Variants in PLCL1 observed in about 807,000 individuals in gnomAD.
The protein encoded by PLCL1 is phospholipase C like 1 (inactive).
Under a neutral mutation model 84.4 loss-of-function variants are expected in PLCL1, and 41 were observed. That is an observed-to-expected ratio of 0.49 (90% CI 0.38 to 0.63). The LOEUF (loss-of-function observed/expected upper bound fraction) is 0.63, where lower values mean the gene tolerates loss of function less well. Among genes scored for constraint, PLCL1 ranks in the 30% least tolerant of loss-of-function variants. The pLI is 0.00. For missense variants in PLCL1, 1,206 were observed against 1,367.8 expected, an observed-to-expected ratio of 0.88 and a Z score of 1.87; for synonymous variants, 490 against 488.3, an observed-to-expected ratio of 1.00 and a Z score of -0.05.
At chr2:197,968,554 C>T (rs1162718171) in intron 1 of PLCL1, among the ~76,000 whole-genome samples, 1 of 152,160 alleles carries the variant, frequency 6.6e-6, no homozygotes, top group African/African-American at 2.4e-5. Context: ...AGTTAAAAAT[C>T]ACTTTCTTTG....
intron 1 of PLCL1, among the ~76,000 whole-genome samples, chr2:197,936,403 T>TC (rs1248424941): frequency 1.3e-5 from 2 of 152,178 alleles, no homozygotes; most frequent in African/African-American, 4.8e-5. Flanking sequence ...TTTCCTTTTT[T>TC]CCGCATATCT....
chr2:198,032,079 G>GA (rs1037351685), intron 1 of PLCL1, among the ~76,000 whole-genome samples: 3 of 151,890 alleles, frequency 2.0e-5, no homozygotes, highest in Non-Finnish European at 2.9e-5. Context: ...CTCTGTTTTG[G>GA]AAAAAAGGAA....
At chr2:198,034,264 G>A (rs4533466) in intron 1 of PLCL1, among the ~76,000 whole-genome samples, 15 of 152,002 alleles carry the variant, frequency 9.9e-5, no homozygotes, top group African/African-American at 3.6e-4. Context: ...TTGTCTTTGC[G>A]ATAGTTTGCT....
chr2:198,016,948 C>A (rs936666461), intron 1 of PLCL1, among the ~76,000 whole-genome samples: 1 of 152,138 alleles, frequency 6.6e-6, no homozygotes, highest in African/African-American at 2.4e-5. Flanking sequence ...AAGTTAGAGA[C>A]CATGAAGGGC....
intron 1 of PLCL1, among the ~76,000 whole-genome samples, chr2:197,961,895 T>C (rs1689631604): frequency 6.6e-6 from 1 of 152,066 alleles, no homozygotes. Context: ...TTTTAGAATA[T>C]AAATAAATGG....
intron 5 of PLCL1, among the ~76,000 whole-genome samples, chr2:198,133,301 T>C (rs1276049663): frequency 6.9e-6 from 1 of 144,822 alleles, no homozygotes; most frequent in Non-Finnish European, 1.5e-5. Flanking sequence ...CCGCATATTC[T>C]CACTCATAGG....
At chr2:197,870,213 G>A (rs931523110) in intron 1 of PLCL1, among the ~76,000 whole-genome samples, 3 of 152,132 alleles carry the variant, frequency 2.0e-5, no homozygotes, top group African/African-American at 7.2e-5. Context: ...TAAATGCTAA[G>A]GGGAGCTTTG....
rs749383239 is a variant in PLCL1, at chr2:197,976,837, A to C, written c.241-106921A>C. On this transcript the variant is annotated intron_variant, in intron 1 of 5. Coordinates refer to ENST00000428675, the MANE Select transcript of PLCL1 (RefSeq NM_006226.4). ...CATTTGAAACTGCCCCTTATCTGAAATGATCTTCTCGGATGATACCCAGTT... is the reference window on the plus strand; with the variant it reads ...CATTTGAAACTGCCCCTTATCTGAACTGATCTTCTCGGATGATACCCAGTT... Among the ~76,000 whole-genome samples, 15 of 152,230 alleles carry C rather than the reference A, an allele frequency of 9.9e-5. 1 individual carries two copies. The highest frequency in any genetic ancestry group is 3.3e-4 in the Admixed American group (5 of 15,288).
intron 1 of PLCL1, among the ~76,000 whole-genome samples, chr2:197,939,295 T>C (rs1211650295): frequency 6.6e-6 from 1 of 152,134 alleles, no homozygotes; most frequent in African/African-American, 2.4e-5. Context: ...TGAATGCACA[T>C]TAGAATGACC....
chr2:197,914,425 G>A (rs556182559), intron 1 of PLCL1, among the ~76,000 whole-genome samples: 1 of 151,898 alleles, frequency 6.6e-6, no homozygotes, highest in African/African-American at 2.4e-5. Flanking sequence ...TGCCTCTTGG[G>A]TTCAAGTGAT....
chr2:198,126,633 G>A (rs1202992064), intron 5 of PLCL1, among the ~76,000 whole-genome samples: 2 of 151,934 alleles, frequency 1.3e-5, no homozygotes, highest in African/African-American at 4.8e-5. Flanking sequence ...GGCCAAGCGC[G>A]GTGGCTCATT....
At chr2:198,129,248 C>T (rs1260753749) in intron 5 of PLCL1, among the ~76,000 whole-genome samples, 5 of 152,086 alleles carry the variant, frequency 3.3e-5, no homozygotes, top group Admixed American at 6.6e-5. Context: ...AGTCTGGTAC[C>T]TTTTAAAGGT....
chr2:197,969,793 G>T (rs1022625179), intron 1 of PLCL1, among the ~76,000 whole-genome samples: 1 of 152,218 alleles, frequency 6.6e-6, no homozygotes, highest in Non-Finnish European at 1.5e-5. Context: ...AATAGCCACT[G>T]CTCAACTCCT....
In PLCL1 at chr2:197,949,946, G is replaced by C. The variant is rs191558502; in HGVS notation, c.241-133812G>C. Among the ~76,000 whole-genome samples the C allele has an allele frequency of 1.8e-3, 275 of 152,246 alleles. 2 individuals are homozygous for C. The highest frequency in any genetic ancestry group is 1.8e-3 in the Non-Finnish European group (121 of 68,010). On this transcript the variant is annotated intron_variant, in intron 1 of 5. Coordinates refer to ENST00000428675, the MANE Select transcript of PLCL1 (RefSeq NM_006226.4). ...TGGTGGAGAATAGAGAGGGCTATTGGAAGTGGGAGTTGAGATGACTTTGAG... is the reference window on the plus strand; with the variant it reads ...TGGTGGAGAATAGAGAGGGCTATTGCAAGTGGGAGTTGAGATGACTTTGAG...
intron 5 of PLCL1, among the ~76,000 whole-genome samples, chr2:198,111,565 T>G (rs1176202657): frequency 6.6e-6 from 1 of 151,930 alleles, no homozygotes; most frequent in Non-Finnish European, 1.5e-5. Context: ...GTTATTTTTA[T>G]TATTAAAAAT....
intron 1 of PLCL1, among the ~76,000 whole-genome samples, chr2:198,006,198 G>A (rs1690725370): frequency 6.6e-6 from 1 of 152,158 alleles, no homozygotes; most frequent in Non-Finnish European, 1.5e-5. Flanking sequence ...AATGAAGTTT[G>A]TGATGTTTTG....
At position 198,085,786 on chromosome 2, in the gene PLCL1, A is replaced by G; in HGVS notation, c.2269A>G (p.Ile757Val). ...CTATGTTTGTATAGAGATACACGGA[A>G]TTCCAGCGGATTGTTCGGAACAAAG... ...DPYVCIEIHG[I>V]PADCSEQRTK... is the part of the protein sequence containing the mutation. Residue 757 changes from isoleucine to valine, a missense_variant, in exon 2 of 6, where the codon ATT becomes GTT. Coordinates refer to ENST00000428675, the MANE Select transcript of PLCL1 (RefSeq NM_006226.4). This position sits in a 1 kb window ranked among gnomAD's most constrained non-coding sequence, Gnocchi z 5.3. 5 of 1,614,164 alleles carry G rather than the reference A, an allele frequency of 3.1e-6. No individual in the cohort carries two copies. The highest frequency in any genetic ancestry group is 4.2e-6 in the Non-Finnish European group (5 of 1,179,990).
intron 1 of PLCL1, chr2:197,810,238 C>T: frequency 8.8e-7 from 1 of 1,136,952 alleles, no homozygotes; most frequent in Non-Finnish European, 1.2e-6. Flanking sequence ...CACATTTCAC[C>T]TTAGAAGTGG....
chr2:198,062,494 A>G (rs1276930221), intron 1 of PLCL1, among the ~76,000 whole-genome samples: 1 of 152,108 alleles, frequency 6.6e-6, no homozygotes, highest in Non-Finnish European at 1.5e-5. Context: ...TAAAGTGGTG[A>G]CTCCCTATTA....
Sources: allele counts gnomAD v4.1 joint callset (sites outside exome capture counted in the v4.1 genomes callset), GRCh38; gene constraint gnomAD v4.1.1; non-coding constraint Gnocchi (gnomAD v3.1); transcripts MANE v1.5; gene names NCBI Gene and HGNC (gene_info 2026-07-23, HGNC 2026-07-21).